Variants in KIF23 observed in about 807,000 individuals in gnomAD.
KIF23 encodes the protein kinesin-like protein KIF23.
KIF23 carries 30 observed loss-of-function variants against 137.5 expected under a neutral mutation model. The observed-to-expected ratio is 0.22, with a 90% CI of 0.16 to 0.30. The LOEUF is 0.30. Among genes scored for constraint, KIF23 ranks in the 10% least tolerant of loss-of-function variants. The probability of loss-of-function intolerance (pLI) is 1.00; values close to 1 mark genes in which losing one functional copy is unlikely to be tolerated. For synonymous variants in KIF23, 367 were observed against 391.1 expected, an observed-to-expected ratio of 0.94 and a Z score of 0.73; for missense variants, 920 against 1,194.3, an observed-to-expected ratio of 0.77 and a Z score of 3.38.
chr15:69,429,170 A>G lies in KIF23; in HGVS notation c.1071A>G (p.Arg357=), dbSNP rs1241073281. 6.2e-7 allele frequency: 1 copy of G among 1,613,512 alleles called. No homozygotes were observed. The highest frequency in any genetic ancestry group is 8.5e-7 in the Non-Finnish European group (1 of 1,179,574). ...LSLVDLAGSE[R]TNRTRAEGNR... Reference sequence around the variant, plus strand: ...TGGTAGATCTTGCTGGAAGTGAAAGAACTAACCGGACCAGAGCAGAAGGGA... The same window carrying G: ...TGGTAGATCTTGCTGGAAGTGAAAGGACTAACCGGACCAGAGCAGAAGGGA... Residue 357 remains arginine (R), a synonymous_variant, in exon 11 of 24, where the codon AGA becomes AGG. Transcript: ENST00000679126.
In KIF23 at chr15:69,417,409, C is replaced by T; in HGVS notation, c.108C>T (p.Gly36=). Residue 36 remains glycine, a synonymous_variant, in exon 3 of 24, where the codon GGC becomes GGT. Transcript: ENST00000679126. ...TATACTGTAGGGTGCGCCCACTGGG[C>T]TTTCCTGATCAAGAGTGTTGCATAG... ...VGVYCRVRPL[G]FPDQECCIEV... 6.2e-7 allele frequency: 1 copy of T among 1,612,294 alleles called. No homozygotes were observed. Among genetic ancestry groups the T allele is most frequent in the South Asian group, 1.1e-5 (1 of 90,684 alleles).
chr15:69,445,840 A>G (rs777653137), intron 20 of KIF23, among the ~76,000 whole-genome samples, 169 bp from the exon 21 acceptor site: 1 of 152,224 alleles, frequency 6.6e-6, no homozygotes, highest in African/African-American at 2.4e-5. Context: ...TATGTACTCA[A>G]ATTTCTAAAT....
chr15:69,432,950 G>C (rs2057390779), intron 11 of KIF23, among the ~76,000 whole-genome samples: 1 of 152,106 alleles, frequency 6.6e-6, no homozygotes, highest in Non-Finnish European at 1.5e-5. Flanking sequence ...AATTCCAGTT[G>C]GTTTGGTAAA....
chr15:69,424,430 T>G (rs1040235580), intron 7 of KIF23, among the ~76,000 whole-genome samples: 5 of 152,256 alleles, frequency 3.3e-5, no homozygotes, highest in African/African-American at 1.2e-4. Context: ...TGGAGTGACC[T>G]ATCTATATTT....
intron 10 of KIF23, chr15:69,427,565 T>C (rs1595993072): frequency 4.7e-6 from 2 of 423,426 alleles, no homozygotes; most frequent in South Asian, 1.7e-5. Context: ...AGGTATAGTT[T>C]AGGAAGTGGC....
chr15:69,429,833 C>T (rs1318971134), intron 11 of KIF23, among the ~76,000 whole-genome samples: 1 of 151,988 alleles, frequency 6.6e-6, no homozygotes, highest in African/African-American at 2.4e-5. Context: ...CCAGCCTTGG[C>T]AACATGATGA....
At chr15:69,423,019 G>T in intron 6 of KIF23, 140 bp from the exon 7 acceptor site, 2 of 590,844 alleles carry the variant, frequency 3.4e-6, no homozygotes, top group Non-Finnish European at 6.0e-6. Flanking sequence ...GGCTGGTCTT[G>T]AGTTCCTGAT....
chr15:69,435,509 C>T lies in KIF23; in HGVS notation c.1141C>T (p.Leu381=). The change falls in exon 12 of 24, where the codon CTA becomes TTA. Residue 381 remains leucine (L), a synonymous_variant. Transcript: ENST00000679126. The part of the protein sequence containing the change: ...AGNINQSLMT[L]RTCMDVLREN... ...TAATATTAATCAGTCACTAATGACG[C>T]TAAGAACATGTATGGATGTCCTAAG... 1 of 1,613,922 alleles carries T rather than the reference C, an allele frequency of 6.2e-7. No individual in the cohort carries two copies. The highest frequency in any genetic ancestry group is 8.5e-7 in the Non-Finnish European group (1 of 1,179,898).
chr15:69,445,053 AT>A lies in KIF23; in HGVS notation c.2673+16del. The A allele has an allele frequency of 6.3e-7, 1 of 1,591,202 alleles. No individual in the cohort carries two copies. The highest frequency in any genetic ancestry group is 2.2e-5 in the East Asian group (1 of 44,570). Reference sequence around the variant, plus strand: ...CTAAACTAATTAAGGTAAAAAACTAATTTTCACAGGAGAAAAAAATATATTT... The same window carrying A: ...CTAAACTAATTAAGGTAAAAAACTAATTTCACAGGAGAAAAAAATATATTT... On this transcript the variant is annotated intron_variant, in intron 20 of 23. Coordinates refer to ENST00000679126, the MANE Select transcript of KIF23 (RefSeq NM_001367805.3).
chr15:69,440,856 G>A lies in KIF23; in HGVS notation c.2198G>A (p.Ser733Asn), dbSNP rs1254282131. The A allele has an allele frequency of 6.2e-7, 1 of 1,613,946 alleles. No homozygotes were observed. The highest frequency in any genetic ancestry group is 8.5e-7 in the Non-Finnish European group (1 of 1,180,042). Residue 733 changes from serine (S) to asparagine (N), a missense_variant, in exon 19 of 24, where the codon AGC (serine) becomes AAC (asparagine). By Grantham distance (46) the Ser-to-Asn change is conservative. This residue lies in a region of KIF23 where 714 missense variants were observed against 866.2 expected (regional missense o/e 0.82). Coordinates refer to ENST00000679126, the MANE Select transcript of KIF23 (RefSeq NM_001367805.3). ...CATAGGCGCTCTAACTCTTGCAGCA[G>A]CATTTCTGTAGCTTCCTGTATTTCG... ...QLHRRSNSCS[S>N]ISVASCISEW...
At position 69,436,160 on chromosome 15, in the gene KIF23, T is replaced by C. The variant is rs757314881; in HGVS notation, c.1337T>C (p.Val446Ala). Residue 446 changes from valine to alanine, a missense_variant, in exon 14 of 24, where the codon GTG (valine) becomes GCG (alanine). By Grantham distance (64) the Val-to-Ala change is moderately conservative. Around this residue, in one of 4 missense-constraint regions of KIF23, gnomAD observed 714 missense variants for 866.2 expected, o/e 0.82. Transcript: ENST00000679126. ...ENLQVMRFAE[V>A]TQEVEVARPV... is the part of the protein sequence containing the mutation. Reference sequence around the variant, plus strand: ...TAGCAAGTCATGAGATTTGCGGAAGTGACTCAAGAAGTTGAAGTAGCAAGA... The same window carrying C: ...TAGCAAGTCATGAGATTTGCGGAAGCGACTCAAGAAGTTGAAGTAGCAAGA... 6.2e-7 allele frequency: 1 copy of C among 1,613,836 alleles called. No individual in the cohort carries two copies. The highest frequency in any genetic ancestry group is 2.2e-5 in the East Asian group (1 of 44,868).
At chr15:69,419,714 T>C (rs1193719805) in intron 3 of KIF23, among the ~76,000 whole-genome samples, 1 of 152,214 alleles carries the variant, frequency 6.6e-6, no homozygotes, top group Non-Finnish European at 1.5e-5. Flanking sequence ...CCAGGGAATA[T>C]GTACCTTATA....
At chr15:69,427,620 T>G (rs1407514759) in intron 10 of KIF23, 1 of 369,874 alleles carries the variant, frequency 2.7e-6, no homozygotes, top group Non-Finnish European at 5.3e-6. Context: ...GCCAGTAGGG[T>G]CCCCCATATG....
At chr15:69,433,315 G>C (rs2057398865) in intron 11 of KIF23, among the ~76,000 whole-genome samples, 1 of 152,160 alleles carries the variant, frequency 6.6e-6, no homozygotes, top group African/African-American at 2.4e-5. Context: ...GTTTCAAAAT[G>C]AACTCATTCT....
intron 7 of KIF23, 128 bp downstream of exon 7, chr15:69,423,457 A>G (rs1393288111): frequency 1.7e-6 from 1 of 604,642 alleles, no homozygotes; most frequent in East Asian, 3.3e-5. Flanking sequence ...GAAATGATAT[A>G]ATTTGTATAT....
rs2057741876 is a variant in KIF23 at position 69,446,430 on chromosome 15, G to C, written c.2838+66G>C. ...GGTTTGTCATGTTTTAAACCCCACA[G>C]CTCTAGATTTTTATGCTCTTTGAAA... On this transcript the variant is annotated intron_variant, in intron 22 of 23. Coordinates refer to ENST00000679126, the MANE Select transcript of KIF23 (RefSeq NM_001367805.3). 26 of 1,267,626 alleles carry C rather than the reference G, an allele frequency of 2.1e-5. No homozygotes were observed. The South Asian group carries it at 3.2e-4, about 16-fold the overall frequency. 78.5% of individuals were successfully genotyped at this position (1,267,626 alleles called of 1,614,324 possible). A position where few individuals can be genotyped will look rare whatever the true frequency, so the allele number is the denominator to read the frequency against.
chr15:69,439,931 A>G lies in KIF23; in HGVS notation c.1783A>G (p.Ile595Val), dbSNP rs1478208843. The change falls in exon 17 of 24, where the codon ATC becomes GTC. Residue 595 changes from isoleucine to valine, a missense_variant. Ile to Val is a conservative substitution (Grantham distance 29). Around this residue, in one of 4 missense-constraint regions of KIF23, gnomAD observed 714 missense variants for 866.2 expected, o/e 0.82. Coordinates refer to ENST00000679126, the MANE Select transcript of KIF23 (RefSeq NM_001367805.3). ...TGAGATTTTAGAGAAAACAACTACT[A>G]TCTATGAGGAAGATAAACGCAATTT... ...KIEILEKTTT[I>V]YEEDKRNLQQ... 1.9e-6 allele frequency: 3 copies of G among 1,613,794 alleles called. No individual in the cohort carries two copies. Among genetic ancestry groups the G allele is most frequent in the Middle Eastern group, 1.6e-4 (1 of 6,062 alleles).
At chr15:69,415,928 G>T in intron 1 of KIF23, 66 bp from the exon 2 acceptor site, 1 of 1,159,870 alleles carries the variant, frequency 8.6e-7, no homozygotes. Flanking sequence ...ATAAGTTTTA[G>T]GTGAGGCTTT....
In KIF23 at chr15:69,440,933, A is replaced by C. The variant is rs746703588; in HGVS notation, c.2275A>C (p.Ile759Leu). ...CAACACACCTCTCAAAGTCACATCTATTGCAAGGCGTAGGCAGCAGGAGCC... is the reference window on the plus strand; with the variant it reads ...CAACACACCTCTCAAAGTCACATCTCTTGCAAGGCGTAGGCAGCAGGAGCC... ...TYNTPLKVTS[I>L]ARRRQQEPGQ... The change falls in exon 19 of 24, where the codon ATT becomes CTT. Residue 759 changes from isoleucine (I) to leucine (L), a missense_variant. Around this residue, in one of 4 missense-constraint regions of KIF23, gnomAD observed 714 missense variants for 866.2 expected, o/e 0.82. Transcript: ENST00000679126. 10 of 1,614,200 alleles carry C rather than the reference A, an allele frequency of 6.2e-6. No individual in the cohort carries two copies. The highest frequency in any genetic ancestry group is 8.5e-6 in the Non-Finnish European group (10 of 1,180,032).
Sources: gnomAD v4.1 joint callset for allele counts (sites outside exome capture counted in the v4.1 genomes callset) on GRCh38, gnomAD v4.1.1 for gene constraint, gnomAD v4.1.1 regional missense constraint, MANE v1.5 for transcripts, NCBI Gene and HGNC (gene_info 2026-07-23, HGNC 2026-07-21) for gene names.